The following ATOSA variants were observed in gnomAD, a reference collection of about 807,000 sequenced individuals.
ATOSA encodes atos homolog protein A.
At chr15:52,644,558 A>C in the ATOSA span, among the ~76,000 whole-genome samples, 1 of 152,178 alleles carries the variant, frequency 6.6e-6, no homozygotes, top group Non-Finnish European at 1.5e-5. Flanking sequence ...ACTCAAATGG[A>C]TGTTTAATGT....
the ATOSA span, among the ~76,000 whole-genome samples, chr15:52,663,652 C>T: frequency 2.6e-5 from 4 of 152,156 alleles, no homozygotes; most frequent in East Asian, 5.8e-4. Flanking sequence ...GACAAGGTTA[C>T]ACTCTGTTGC....
the ATOSA span, among the ~76,000 whole-genome samples, chr15:52,695,034 C>T: frequency 6.6e-6 from 1 of 151,626 alleles, no homozygotes; most frequent in Non-Finnish European, 1.5e-5. Flanking sequence ...AGGCAATTAT[C>T]ATGCCTCGGC....
chr15:52,693,371 G>A, the ATOSA span, among the ~76,000 whole-genome samples: 47 of 152,304 alleles, frequency 3.1e-4, no homozygotes, highest in African/African-American at 9.4e-4. Flanking sequence ...AGTGAGCCAA[G>A]ATCACGCTCC....
At chr15:52,678,160 C>G in the ATOSA span, 3 of 1,037,296 alleles carry the variant, frequency 2.9e-6, no homozygotes, top group East Asian at 2.4e-5. Context: ...TGGCCCTATT[C>G]TAATACCCGG....
At chr15:52,611,994 AT>A in the ATOSA span, among the ~76,000 whole-genome samples, 1 of 151,670 alleles carries the variant, frequency 6.6e-6, no homozygotes, top group Admixed American at 6.6e-5. Flanking sequence ...CATTTATTTT[AT>A]TTTTTTTGCG....
the ATOSA span, among the ~76,000 whole-genome samples, chr15:52,702,569 G>T: frequency 1.3e-5 from 2 of 152,054 alleles, no homozygotes; most frequent in Non-Finnish European, 2.9e-5. Context: ...GGTACTCATG[G>T]ACATAGAGAT....
At chr15:52,670,050 T>C in the ATOSA span, among the ~76,000 whole-genome samples, 1 of 152,248 alleles carries the variant, frequency 6.6e-6, no homozygotes, top group Non-Finnish European at 1.5e-5. Flanking sequence ...AATAGTGGGC[T>C]GTGTTCCAAT....
chr15:52,605,707 C>T, the ATOSA span, among the ~76,000 whole-genome samples: 18 of 151,958 alleles, frequency 1.2e-4, no homozygotes, highest in African/African-American at 4.1e-4. Flanking sequence ...CTAAAGAAAA[C>T]ATGTCCAAAT....
chr15:52,672,939 A>C, the ATOSA span, among the ~76,000 whole-genome samples: 1 of 152,218 alleles, frequency 6.6e-6, no homozygotes, highest in Admixed American at 6.5e-5. Flanking sequence ...TTTGACAGCT[A>C]CTGATGCCAA....
At chr15:52,589,543 T>TAA in the ATOSA span, among the ~76,000 whole-genome samples, 11 of 151,872 alleles carry the variant, frequency 7.2e-5, no homozygotes, top group Non-Finnish European at 1.2e-4. Flanking sequence ...TCAATTTATT[T>TAA]AAAAAAACAG....
At chr15:52,584,957 T>G in the ATOSA span, 1 of 1,566,648 alleles carries the variant, frequency 6.4e-7, no homozygotes, top group Non-Finnish European at 8.7e-7. Context: ...GAAGAAACAA[T>G]ATAGAAATTA....
chr15:52,695,957 G>A, the ATOSA span, among the ~76,000 whole-genome samples: 2 of 152,240 alleles, frequency 1.3e-5, no homozygotes, highest in East Asian at 3.9e-4. Flanking sequence ...AATGTGGGTC[G>A]GGAGACAGTA....
chr15:52,602,670 A>C, the ATOSA span, among the ~76,000 whole-genome samples: 1 of 152,088 alleles, frequency 6.6e-6, no homozygotes, highest in Non-Finnish European at 1.5e-5. Context: ...ATTTAGGTAC[A>C]ATTTCTTTCA....
chr15:52,589,416 C>A, the ATOSA span, among the ~76,000 whole-genome samples: 1 of 152,128 alleles, frequency 6.6e-6, no homozygotes, highest in Non-Finnish European at 1.5e-5. Flanking sequence ...TCCTTGCCAG[C>A]CATCTGCCTC....
chr15:52,584,106 A>AAAAAG, the ATOSA span, among the ~76,000 whole-genome samples: 1 of 151,068 alleles, frequency 6.6e-6, no homozygotes, highest in African/African-American at 2.4e-5. Context: ...AAAAAAAAAA[A>AAAAAG]AAAAGAAAAA....
the ATOSA span, among the ~76,000 whole-genome samples, chr15:52,709,065 C>T: frequency 2.6e-5 from 4 of 151,972 alleles, no homozygotes; most frequent in Non-Finnish European, 5.9e-5. Context: ...TGCAAGTCTT[C>T]GTGTTAAAAA....
the ATOSA span, among the ~76,000 whole-genome samples, chr15:52,599,471 CTATT>C: frequency 2.0e-5 from 3 of 152,072 alleles, no homozygotes; most frequent in Non-Finnish European, 4.4e-5. Flanking sequence ...TCCTGTAAAA[CTATT>C]TATCTTAAAA....
At chr15:52,694,740 A>G in the ATOSA span, among the ~76,000 whole-genome samples, 1 of 152,170 alleles carries the variant, frequency 6.6e-6, no homozygotes, top group Middle Eastern at 3.4e-3. Flanking sequence ...AATACACACA[A>G]TGCCAAAATA....
At chr15:52,582,509 T>A in the ATOSA span, among the ~76,000 whole-genome samples, 1 of 152,224 alleles carries the variant, frequency 6.6e-6, no homozygotes, top group Non-Finnish European at 1.5e-5. Flanking sequence ...ATTCCCTAAA[T>A]AACTCATACT....
Sources: gnomAD v4.1 joint callset for allele counts (sites outside exome capture counted in the v4.1 genomes callset) on GRCh38, gnomAD v4.1.1 for gene constraint, MANE v1.5 for transcripts, NCBI Gene and HGNC (gene_info 2026-07-23, HGNC 2026-07-21) for gene names.